TEX2: variants seen among roughly 807,000 people sequenced by gnomAD.
TEX2 encodes the protein testis expressed 2.
TEX2 carries 53 observed loss-of-function variants against 106.9 expected under a neutral mutation model. The ratio of observed to expected loss-of-function variants is 0.50; its 90% CI spans 0.40 to 0.62. The LOEUF (loss-of-function observed/expected upper bound fraction) is 0.62, where lower values mean the gene tolerates loss of function less well. TEX2 is among the 20% of genes least tolerant of loss of function. The pLI is 0.00. For missense variants in TEX2, 1,207 were observed against 1,379.0 expected (o/e 0.88, Z 1.98); for synonymous variants, 523 against 534.8 (o/e 0.98, Z 0.30).
chr17:64,196,465 T>G (rs991409252), intron 2 of TEX2, among the ~76,000 whole-genome samples: 1 of 152,300 alleles, frequency 6.6e-6, no homozygotes, highest in Middle Eastern at 3.4e-3. Flanking sequence ...AGTAGATGTT[T>G]TGGCCTGAGC....
chr17:64,201,661 C>G (rs1414903297), intron 2 of TEX2, among the ~76,000 whole-genome samples: 1 of 152,162 alleles, frequency 6.6e-6, no homozygotes, highest in Non-Finnish European at 1.5e-5. Flanking sequence ...CACCTGCAGT[C>G]TGGCTTGTGC....
intron 5 of TEX2, among the ~76,000 whole-genome samples, chr17:64,179,753 G>A (rs1028155720): frequency 4.2e-5 from 6 of 141,582 alleles, no homozygotes; most frequent in Admixed American, 2.3e-4. Context: ...CTTTATGAAC[G>A]TTGGTGAGTC....
Position 64,153,085 on chromosome 17 carries a change from GAA to G in TEX2, c.2998_2999del (p.Phe1000ProfsTer10), listed in dbSNP as rs1483880088. The G allele has an allele frequency of 6.2e-7, 1 of 1,613,926 alleles. No homozygotes were observed. Among genetic ancestry groups the G allele is most frequent in the East Asian group, 2.2e-5 (1 of 44,898 alleles). ...TAAACTCTGTCTCTGTTGCTTTTTG[GAA>G]ATATTTTGACTTGGTAATTTTATCA... ...FVDKITKSKY[F>X]QKATETEFIK... On this transcript the variant is annotated frameshift_variant, in exon 10 of 12. Coordinates refer to ENST00000584379, the MANE Select transcript of TEX2 (RefSeq NM_001288732.2). LOFTEE classifies it high-confidence loss of function. This position sits in a 1 kb window ranked among gnomAD's most constrained non-coding sequence, Gnocchi z 4.1.
chr17:64,219,498 T>TAA (rs1567951369), intron 1 of TEX2, among the ~76,000 whole-genome samples: 5 of 133,510 alleles, frequency 3.7e-5, no homozygotes, highest in African/African-American at 1.2e-4. Flanking sequence ...AGAGTGAGAC[T>TAA]CCATCTCATC....
chr17:64,224,518 G>A (rs1555633642), intron 1 of TEX2, among the ~76,000 whole-genome samples: 1 of 152,138 alleles, frequency 6.6e-6, no homozygotes, highest in Admixed American at 6.5e-5. Flanking sequence ...TCTAGCCTTA[G>A]TTTCATTTAA....
At chr17:64,152,120 C>G (rs2030387456) in intron 10 of TEX2, among the ~76,000 whole-genome samples, 1 of 152,128 alleles carries the variant, frequency 6.6e-6, no homozygotes, top group South Asian at 2.1e-4. Flanking sequence ...TGGTTTTACT[C>G]TATGATAGAA....
chr17:64,250,760 T>C (rs1555636876), intron 1 of TEX2, among the ~76,000 whole-genome samples: 1 of 152,132 alleles, frequency 6.6e-6, no homozygotes, highest in African/African-American at 2.4e-5. Context: ...TGGCTCACTG[T>C]AACCTCTGCC....
At chr17:64,166,188 A>G (rs979644523) in intron 7 of TEX2, among the ~76,000 whole-genome samples, 5 of 152,208 alleles carry the variant, frequency 3.3e-5, no homozygotes, top group Non-Finnish European at 7.3e-5. Flanking sequence ...ATACTAACAC[A>G]GTGGCCGGAG....
At chr17:64,172,363 A>AG (rs1183720593) in intron 6 of TEX2, among the ~76,000 whole-genome samples, 1 of 151,482 alleles carries the variant, frequency 6.6e-6, no homozygotes, top group Non-Finnish European at 1.5e-5. Flanking sequence ...AAAAAAAAAA[A>AG]AAAGAAAAAT....
At chr17:64,241,159 T>C (rs551367015) in intron 1 of TEX2, among the ~76,000 whole-genome samples, 99 of 152,230 alleles carry the variant, frequency 6.5e-4, no homozygotes, top group African/African-American at 9.9e-4. Context: ...TCAGAGCTCA[T>C]GGAGTGACTG....
At chr17:64,210,577 T>C (rs894852967) in intron 2 of TEX2, among the ~76,000 whole-genome samples, 10 of 146,840 alleles carry the variant, frequency 6.8e-5, no homozygotes, top group Non-Finnish European at 1.4e-4. Context: ...AAAAAGTCAA[T>C]GAAATTTAAA....
intron 1 of TEX2, among the ~76,000 whole-genome samples, chr17:64,221,958 A>G (rs184942011): frequency 6.6e-6 from 1 of 152,346 alleles, no homozygotes; most frequent in Admixed American, 6.5e-5. Flanking sequence ...AGAGGTATCT[A>G]AAGTAGTCAA....
At chr17:64,210,484 C>A (rs531639496) in intron 2 of TEX2, among the ~76,000 whole-genome samples, 1 of 152,086 alleles carries the variant, frequency 6.6e-6, no homozygotes, top group Non-Finnish European at 1.5e-5. Context: ...TAATTCCCTT[C>A]CACTAGTGTG....
At chr17:64,174,379 TA>T (rs1262565105) in intron 6 of TEX2, among the ~76,000 whole-genome samples, 1 of 152,100 alleles carries the variant, frequency 6.6e-6, no homozygotes, top group Non-Finnish European at 1.5e-5. Flanking sequence ...GTCTACCTAC[TA>T]GTAAGCAGAA....
intron 6 of TEX2, among the ~76,000 whole-genome samples, chr17:64,172,069 T>G (rs949567073): frequency 8.6e-5 from 13 of 151,160 alleles, no homozygotes; most frequent in Non-Finnish European, 1.6e-4. Flanking sequence ...AAACAGCACA[T>G]GCTGGCCAGG....
intron 1 of TEX2, among the ~76,000 whole-genome samples, chr17:64,218,996 A>G (rs2033273168): frequency 2.6e-5 from 4 of 152,132 alleles, no homozygotes; most frequent in Admixed American, 2.6e-4. Flanking sequence ...TCCCCACGAA[A>G]GCAAAGCACT....
intron 2 of TEX2, among the ~76,000 whole-genome samples, chr17:64,211,621 A>C (rs1375078834): frequency 2.0e-5 from 3 of 152,234 alleles, no homozygotes; most frequent in African/African-American, 7.2e-5. Context: ...AGTATACAGG[A>C]GAATGAGCAT....
rs755866648 is a variant in TEX2, at chr17:64,194,880, A to T, written c.1845+15T>A. 6.2e-7 allele frequency: 1 copy of T among 1,613,482 alleles called. No homozygotes were observed. Among genetic ancestry groups the T allele is most frequent in the South Asian group, 1.1e-5 (1 of 91,052 alleles). On this transcript the variant is annotated intron_variant, in intron 3 of 11. Transcript: ENST00000584379. ...CATTCATCTAAGCTATCCTTCCAAA[A>T]TTGCTCAGGCTCACCTTGCTGTCTG...
chr17:64,251,099 G>A (rs962154948), intron 1 of TEX2, among the ~76,000 whole-genome samples: 4 of 152,162 alleles, frequency 2.6e-5, no homozygotes, highest in South Asian at 2.1e-4. Context: ...GCACCCCATA[G>A]TACTTTGCTC....
Sources: allele counts gnomAD v4.1 joint callset (sites outside exome capture counted in the v4.1 genomes callset), GRCh38; gene constraint gnomAD v4.1.1; non-coding constraint Gnocchi (gnomAD v3.1); transcripts MANE v1.5; gene names NCBI Gene and HGNC (gene_info 2026-07-23, HGNC 2026-07-21).